Variants in NDUFAF6 observed in about 807,000 individuals in gnomAD.
NDUFAF6 encodes NADH dehydrogenase (ubiquinone) complex I, assembly factor 6.
NDUFAF6 carries 45 observed loss-of-function variants against 40.8 expected under a neutral mutation model. That is an observed-to-expected ratio of 1.10 (90% CI 0.87 to 1.42). NDUFAF6 has a LOEUF of 1.42. Among genes scored for constraint, NDUFAF6 ranks in the 40% most tolerant of loss-of-function variants. The pLI is 0.00. For missense variants in NDUFAF6, 435 were observed against 418.5 expected, an observed-to-expected ratio of 1.04 and a Z score of -0.34; for synonymous variants, 185 against 155.9, an observed-to-expected ratio of 1.19 and a Z score of -1.39.
chr8:95,009,953 GAATGCCCTC>G (rs1370651735), intron 2 of NDUFAF6, among the ~76,000 whole-genome samples: 1 of 152,132 alleles, frequency 6.6e-6, no homozygotes, highest in Non-Finnish European at 1.5e-5. Context: ...GCAAAATACA[GAATGCCCTC>G]CCCCAAGTAC....
chr8:94,930,199 C>T, intron 1 of NDUFAF6: 1 of 354,992 alleles, frequency 2.8e-6, no homozygotes. Flanking sequence ...TAATGTATAA[C>T]CTAATATATT....
In NDUFAF6 at chr8:95,058,143, C is replaced by T. The variant is rs2132003499; in HGVS notation, c.*206C>T. 2.1e-6 allele frequency: 3 copies of T among 1,443,864 alleles called. No individual in the cohort carries two copies. The highest frequency in any genetic ancestry group is 3.1e-5 in the South Asian group (2 of 65,416). The allele number at this position is 1,443,864 out of a possible 1,614,324, so 89.4% of individuals were successfully genotyped here. The stretch of plus-strand genomic sequence containing the variant: ...TGGCAGAGGCACTGCCATTGGCACC[C>T]CTGGCCCAGACAGTGTCTGCTGTGC... On this transcript the variant is annotated 3_prime_UTR_variant, in exon 9 of 9. Transcript: ENST00000396124.
chr8:95,056,949 C>T (rs1343543579), intron 8 of NDUFAF6, among the ~76,000 whole-genome samples: 1 of 151,314 alleles, frequency 6.6e-6, no homozygotes, highest in Non-Finnish European at 1.5e-5. Flanking sequence ...GTATTTCACT[C>T]ATATATTTAT....
rs556065794 is a variant in NDUFAF6, at chr8:94,909,348, C to CAAAAA, written c.-936+13451_-936+13455dup. Among the ~76,000 whole-genome samples, 143 of 91,900 alleles carry CAAAAA rather than the reference C, an allele frequency of 1.6e-3. 4 individuals carry two copies. The highest frequency in any genetic ancestry group is 3.6e-3 in the African/African-American group (70 of 19,648). 60.3% of individuals were successfully genotyped at this position (91,900 alleles called of 152,430 possible). The stretch of plus-strand genomic sequence containing the variant: ...TGGACGACAGAGGGAGACTCCGTCT[C>CAAAAA]AAAAAAAAAAAAAAAAAAAAAAAAA... On this transcript the variant is annotated intron_variant, in intron 1 of 14. Transcript: ENST00000396113.
intron 1 of NDUFAF6, among the ~76,000 whole-genome samples, chr8:94,967,598 A>G (rs548858669): frequency 1.3e-5 from 2 of 152,066 alleles, no homozygotes; most frequent in East Asian, 3.9e-4. Context: ...AGCAGGGCTT[A>G]GTTGGGTGCC....
chr8:95,032,115 A>T (rs1307269869), intron 2 of NDUFAF6, 21 bp downstream of exon 2: 1 of 1,593,404 alleles, frequency 6.3e-7, no homozygotes, highest in East Asian at 2.2e-5. Context: ...AGATACCTTA[A>T]AATATTATTT....
chr8:94,911,311 C>T (rs977281287), intron 1 of NDUFAF6, among the ~76,000 whole-genome samples: 3 of 152,256 alleles, frequency 2.0e-5, no homozygotes, highest in African/African-American at 7.2e-5. Context: ...TAATAAATTA[C>T]CTAACCTCAG....
intron 1 of NDUFAF6, among the ~76,000 whole-genome samples, chr8:94,934,368 T>C (rs193115875): frequency 2.6e-5 from 4 of 151,976 alleles, no homozygotes; most frequent in Admixed American, 2.6e-4. Flanking sequence ...AAGTTTAAAG[T>C]GACTATTAAT....
Position 95,064,628 on chromosome 8 carries a change from T to C in NDUFAF6, c.*512-11005T>C, listed in dbSNP as rs144326687. Among the ~76,000 whole-genome samples, 557 of 152,260 alleles carry C rather than the reference T, an allele frequency of 3.7e-3. 4 individuals are homozygous for C. Among genetic ancestry groups the C allele is most frequent in the African/African-American group, 0.012 (497 of 41,544 alleles). On this transcript the variant is annotated intron_variant and NMD_transcript_variant, in intron 9 of 9. Coordinates refer to the NDUFAF6 transcript ENST00000520757. ...TAGCCCTTGTTACAGTCTTTTGTTA[T>C]AATGTTGGAGTGCTTTAGGCCTCAG...
intron 1 of NDUFAF6, among the ~76,000 whole-genome samples, chr8:94,976,492 A>C (rs1359662783): frequency 2.8e-5 from 3 of 108,756 alleles, no homozygotes; most frequent in African/African-American, 3.6e-5. Context: ...ACAGAGCAAC[A>C]CTCCATCTCA....
intron 8 of NDUFAF6, among the ~76,000 whole-genome samples, chr8:95,054,480 G>A (rs1051199832): frequency 6.6e-6 from 1 of 150,566 alleles, no homozygotes; most frequent in African/African-American, 2.4e-5. Context: ...TGTTGCTCAG[G>A]CTGGAGTGCA....
At chr8:95,049,874 T>C (rs1831236033) in intron 7 of NDUFAF6, among the ~76,000 whole-genome samples, 1 of 152,232 alleles carries the variant, frequency 6.6e-6, no homozygotes, top group Admixed American at 6.5e-5. Context: ...TTCTGTTGTA[T>C]ATTCTTCAGC....
In NDUFAF6 at chr8:95,102,813, A is replaced by C. The variant is rs117628829; in HGVS notation, n.231-163A>C. ...TGTATGTCTTCTGCAGTGTCTCTTCAGCGCCCTCTACTGAAAAAGTTTAAT... is the reference window on the plus strand; with the variant it reads ...TGTATGTCTTCTGCAGTGTCTCTTCCGCGCCCTCTACTGAAAAAGTTTAAT... On this transcript the variant is annotated intron_variant and non_coding_transcript_variant, in intron 2 of 2. Transcript: ENST00000521063. Among the ~76,000 whole-genome samples the C allele has an allele frequency of 2.2e-3, 338 of 152,306 alleles. 1 individual carries two copies. Among genetic ancestry groups the C allele is most frequent in the Non-Finnish European group, 3.5e-3 (239 of 68,026 alleles).
At chr8:94,931,175 C>G (rs1421320879) in intron 1 of NDUFAF6, among the ~76,000 whole-genome samples, 3 of 152,178 alleles carry the variant, frequency 2.0e-5, no homozygotes. Flanking sequence ...AGTGTGCTCA[C>G]AATACCTTCA....
chr8:94,958,426 C>A (rs974779144), intron 1 of NDUFAF6, among the ~76,000 whole-genome samples: 23 of 150,846 alleles, frequency 1.5e-4, no homozygotes, highest in African/African-American at 5.6e-4. Context: ...CTAATCTCCT[C>A]TTCTCGTAAG....
chr8:95,015,705 C>T (rs543529633), intron 2 of NDUFAF6, among the ~76,000 whole-genome samples: 1 of 152,264 alleles, frequency 6.6e-6, no homozygotes, highest in South Asian at 2.1e-4. Flanking sequence ...TTCCCTTCCT[C>T]AAGAGTGAGA....
chr8:95,082,821 G>A lies in NDUFAF6; in HGVS notation n.213+7069G>A, dbSNP rs546631596. ...ACTACAGGCGCCCGCCACTACGCCC[G>A]GCTAATTTTTTGTATTTTTTAGTAG... On this transcript the variant is annotated intron_variant and non_coding_transcript_variant, in intron 2 of 5. Coordinates refer to the NDUFAF6 transcript ENST00000523184. 2.4e-3 allele frequency among the ~76,000 whole-genome samples: 362 copies of A among 152,148 alleles called. 2 individuals are homozygous for A. Among genetic ancestry groups the A allele is most frequent in the Middle Eastern group, 6.8e-3 (2 of 294 alleles).
chr8:95,106,379 G>A (rs539344378), downstream of NDUFAF6, among the ~76,000 whole-genome samples: 87 of 152,198 alleles, frequency 5.7e-4, no homozygotes, highest in Admixed American at 1.8e-3. Context: ...ACAAGAAATG[G>A]GGAAAGGATT....
intron 1 of NDUFAF6, among the ~76,000 whole-genome samples, chr8:95,030,845 A>G (rs1316087194): frequency 2.0e-5 from 3 of 152,228 alleles, no homozygotes; most frequent in Non-Finnish European, 4.4e-5. Context: ...TGGCACCAGT[A>G]TCTGCTCAGC....
Sources: gnomAD v4.1 joint callset for allele counts (sites outside exome capture counted in the v4.1 genomes callset) on GRCh38, gnomAD v4.1.1 for gene constraint, MANE v1.5 for transcripts, NCBI Gene and HGNC (gene_info 2026-07-23, HGNC 2026-07-21) for gene names.